DNAAF8: variants seen among roughly 807,000 people sequenced by gnomAD.
DNAAF8 encodes the protein dynein axonemal assembly factor 8, also known as dynein axonemal-associated protein 1.
In DNAAF8, 61 loss-of-function variants were observed where a neutral mutation model predicts 54.6. That is an observed-to-expected ratio of 1.12 (90% CI 0.91 to 1.38). The LOEUF is 1.38. Ranked by LOEUF, DNAAF8 falls within the 40% of genes most tolerant of loss-of-function variation. DNAAF8 has a pLI of 0.00. For synonymous variants in DNAAF8, 320 were observed against 270.1 expected (o/e 1.18, Z -1.81); for missense variants, 837 against 665.0 (o/e 1.26, Z -2.85).
chr16:4,736,295 G>C (rs1033742861), intron 1 of DNAAF8, among the ~76,000 whole-genome samples, 169 bp from the exon 2 acceptor site: 10 of 99,076 alleles, frequency 1.0e-4, no homozygotes, highest in African/African-American at 3.4e-4. Context: ...ACACACACAC[G>C]TACACACACA....
At chr16:4,741,308 A>C (rs567674780) in intron 4 of DNAAF8, among the ~76,000 whole-genome samples, 3 of 152,038 alleles carry the variant, frequency 2.0e-5, no homozygotes, top group Non-Finnish European at 4.4e-5. Flanking sequence ...GAGAGAAAAA[A>C]GGAATTCCAC....
At chr16:4,738,602 G>A (rs2081922347) in intron 3 of DNAAF8, among the ~76,000 whole-genome samples, 1 of 152,118 alleles carries the variant, frequency 6.6e-6, no homozygotes, top group African/African-American at 2.4e-5. Flanking sequence ...CCCATTTCTG[G>A]CTGAGCACAG....
chr16:4,739,796 C>A (rs912920665), intron 3 of DNAAF8, among the ~76,000 whole-genome samples: 1 of 151,848 alleles, frequency 6.6e-6, no homozygotes, highest in Non-Finnish European at 1.5e-5. Flanking sequence ...TGTAATCCCA[C>A]CACTTTGGGA....
At chr16:4,735,905 A>G (rs934357012) in intron 1 of DNAAF8, among the ~76,000 whole-genome samples, 11 of 152,170 alleles carry the variant, frequency 7.2e-5, no homozygotes, top group African/African-American at 2.7e-4. Context: ...TCAGTGAGCT[A>G]TCATTGTACC....
Position 4,747,430 on chromosome 16 carries a change from G to T in DNAAF8, c.1368G>T (p.Gly456=). 1 of 1,613,044 alleles carries T rather than the reference G, an allele frequency of 6.2e-7. No individual in the cohort carries two copies. Among genetic ancestry groups the T allele is most frequent in the Non-Finnish European group, 8.5e-7 (1 of 1,179,936 alleles). ...AGCCCGAGCTGCCTGCCAGCAAGGG[G>T]CCCGCGGGTGGGAGGGCTCAGGCCC... The part of the protein sequence containing the change: ...TAQPELPASK[G]PAGGRAQAPE... The change falls in exon 9 of 10, where the codon GGG becomes GGT. Residue 456 remains glycine, a synonymous_variant. Transcript: ENST00000299320.
At chr16:4,742,937 C>T in intron 4 of DNAAF8, 106 bp from the exon 5 acceptor site, 2 of 920,598 alleles carry the variant, frequency 2.2e-6, no homozygotes, top group South Asian at 2.8e-5. Context: ...ATTTCTACCC[C>T]CAACATCCTG....
chr16:4,748,337 G>C (rs1475939842), intron 9 of DNAAF8: 1 of 151,484 alleles, frequency 6.6e-6, no homozygotes, highest in Non-Finnish European at 1.5e-5. Flanking sequence ...AGCACTGTGA[G>C]CTGCCAGCCT....
chr16:4,734,913 G>A (rs1281690240), intron 1 of DNAAF8: 1 of 152,168 alleles, frequency 6.6e-6, no homozygotes, highest in Non-Finnish European at 1.5e-5. Context: ...GAACCGGGGC[G>A]GGGCTGTGGC....
chr16:4,743,404 C>T (rs1325166184), intron 5 of DNAAF8: 2 of 386,080 alleles, frequency 5.2e-6, no homozygotes, highest in Middle Eastern at 6.8e-4. Context: ...GAGAGGCCTC[C>T]GCACCCCACC....
chr16:4,736,296 T>C (rs958997255), intron 1 of DNAAF8, among the ~76,000 whole-genome samples, 168 bp from the exon 2 acceptor site: 3 of 98,514 alleles, frequency 3.0e-5, no homozygotes, highest in Non-Finnish European at 7.1e-5. Flanking sequence ...CACACACACG[T>C]ACACACACAG....
chr16:4,736,160 A>G (rs2081896079), intron 1 of DNAAF8, among the ~76,000 whole-genome samples: 1 of 152,184 alleles, frequency 6.6e-6, no homozygotes. Context: ...GGCATTCTAT[A>G]TAACATGTAC....
chr16:4,744,678 G>GC (rs892627691), intron 5 of DNAAF8, among the ~76,000 whole-genome samples, 192 bp from the exon 6 acceptor site: 8 of 152,116 alleles, frequency 5.3e-5, no homozygotes, highest in African/African-American at 1.9e-4. Context: ...TAAAGATTCT[G>GC]CCCCCCTCAG....
chr16:4,734,909 G>T (rs1236878363), intron 1 of DNAAF8: 1 of 152,194 alleles, frequency 6.6e-6, no homozygotes, highest in Non-Finnish European at 1.5e-5. Context: ...CTGAGAACCG[G>T]GGCGGGGCTG....
chr16:4,738,875 G>T (rs2081925829), intron 3 of DNAAF8, among the ~76,000 whole-genome samples: 1 of 151,908 alleles, frequency 6.6e-6, no homozygotes, highest in Non-Finnish European at 1.5e-5. Context: ...AACAGAGTGA[G>T]ACTCCATCTA....
intron 5 of DNAAF8, chr16:4,743,614 G>A (rs2081977907): frequency 6.5e-6 from 1 of 153,018 alleles, no homozygotes; most frequent in African/African-American, 2.4e-5. Context: ...CTTTGCTCTG[G>A]GAAGTCCTGC....
intron 9 of DNAAF8, chr16:4,748,472 T>C (rs548443138): frequency 6.6e-6 from 1 of 152,304 alleles, no homozygotes; most frequent in East Asian, 1.9e-4. Context: ...CTAGACAGAA[T>C]ACTGGAAACC....
chr16:4,746,207 G>T, intron 6 of DNAAF8, 168 bp from the exon 7 acceptor site: 2 of 662,662 alleles, frequency 3.0e-6, no homozygotes, highest in South Asian at 2.4e-5. Flanking sequence ...CCTAAATCTC[G>T]CATGCTGTTC....
rs1370137175 is a variant in DNAAF8 at position 4,736,519 on chromosome 16, C to T, written c.5C>T (p.Ala2Val). 2.6e-6 allele frequency: 4 copies of T among 1,550,022 alleles called. No individual in the cohort carries two copies. The highest frequency in any genetic ancestry group is 1.2e-5 in the South Asian group (1 of 82,888). The stretch of plus-strand genomic sequence containing the variant: ...CATCTGGAAGCCTGGGCCCTCATGG[C>T]ATCCAACGATAAAGGCATGGCACCC... M[A>V]SNDKGMAPSL... The change falls in exon 2 of 10, where the codon GCA becomes GTA. Residue 2 changes from alanine to valine, a missense_variant. Physicochemically the swap from Ala to Val is moderately conservative, Grantham distance 64. Coordinates refer to ENST00000299320, the MANE Select transcript of DNAAF8 (RefSeq NM_139170.3).
At position 4,736,466 on chromosome 16, in the gene DNAAF8, C is replaced by T. The variant is rs369229259; in HGVS notation, c.-49C>T. The T allele has an allele frequency of 4.1e-6, 6 of 1,455,660 alleles. No individual in the cohort carries two copies. The African/African-American group carries it at 8.6e-5, about 21-fold the overall frequency. 90.2% of individuals were successfully genotyped at this position (1,455,660 alleles called of 1,614,324 possible). ...CCATCACCCTGTGTACCCCACAGAGCTCCCCGGATTATGGTGCACTGAGAA... is the reference window on the plus strand; with the variant it reads ...CCATCACCCTGTGTACCCCACAGAGTTCCCCGGATTATGGTGCACTGAGAA... On this transcript the variant is annotated splice_region_variant and 5_prime_UTR_variant, in exon 2 of 10. Transcript: ENST00000299320.
Sources: allele counts gnomAD v4.1 joint callset (sites outside exome capture counted in the v4.1 genomes callset), GRCh38; gene constraint gnomAD v4.1.1; transcripts MANE v1.5; gene names NCBI Gene and HGNC (gene_info 2026-07-23, HGNC 2026-07-21).